Variants in MGAT4D observed in about 807,000 individuals in gnomAD.
MGAT4D encodes alpha-1,3-mannosyl-glycoprotein 4-beta-N-acetylglucosaminyltransferase-like protein MGAT4D.
In MGAT4D, 34 loss-of-function variants were observed where a neutral mutation model predicts 15.9. The observed-to-expected ratio is 2.14, with a 90% confidence interval of 1.62 to 2.84. The LOEUF (loss-of-function observed/expected upper bound fraction) is 2.84, where lower values mean the gene tolerates loss of function less well. Among genes scored for constraint, MGAT4D ranks in the 30% most tolerant of loss-of-function variants. The pLI, the probability that MGAT4D is intolerant of heterozygous loss-of-function variation, is 0.00. For synonymous variants in MGAT4D, 112 were observed against 48.2 expected, an observed-to-expected ratio of 2.33 and a Z score of -5.49; for missense variants, 327 against 140.2, an observed-to-expected ratio of 2.33 and a Z score of -6.73.
intron 8 of MGAT4D, chr4:140,458,489 A>C (rs1209290044): frequency 6.6e-6 from 1 of 152,210 alleles, no homozygotes; most frequent in Non-Finnish European, 1.5e-5. Flanking sequence ...AAGACAGCTG[A>C]TCATGGGATT....
In MGAT4D at chr4:140,472,384, C is replaced by T. The variant is rs72939891; in HGVS notation, c.526-563G>A. ...TGCAAAAAGCTTTTGATGGTTTACC[C>T]TCTTGGGATAATTTTTAAAAAAATA... On this transcript the variant is annotated intron_variant, in intron 4 of 10. Coordinates refer to ENST00000511113, the MANE Select transcript of MGAT4D (RefSeq NM_001277353.2). Among the ~76,000 whole-genome samples the T allele has an allele frequency of 3.5e-3, 538 of 152,232 alleles. 2 individuals are homozygous for T. The highest frequency in any genetic ancestry group is 0.012 in the African/African-American group (490 of 41,546).
chr4:140,452,202 A>G (rs1730518818), intron 9 of MGAT4D, among the ~76,000 whole-genome samples: 1 of 151,926 alleles, frequency 6.6e-6, no homozygotes, highest in Admixed American at 6.6e-5. Flanking sequence ...CAAACAATAA[A>G]AACCCCACAA....
At chr4:140,462,456 T>C (rs1164020743) in intron 6 of MGAT4D, 1 of 152,748 alleles carries the variant, frequency 6.5e-6, no homozygotes, top group Non-Finnish European at 1.5e-5. Context: ...TATTTCTTTT[T>C]ACGGGTCTTT....
intron 1 of MGAT4D, among the ~76,000 whole-genome samples, chr4:140,497,572 C>T (rs1012438467): frequency 1.3e-5 from 2 of 152,264 alleles, no homozygotes; most frequent in South Asian, 2.1e-4. Context: ...TGCGGTCCAT[C>T]GGAGAAGTCC....
At chr4:140,457,255 T>C (rs555874408) in intron 8 of MGAT4D, 1 of 152,154 alleles carries the variant, frequency 6.6e-6, no homozygotes, top group South Asian at 2.1e-4. Flanking sequence ...GGTCTAATAG[T>C]TTTTTTCTTA....
intron 10 of MGAT4D, among the ~76,000 whole-genome samples, chr4:140,446,546 G>C (rs1730134435): frequency 6.6e-6 from 1 of 151,778 alleles, no homozygotes; most frequent in African/African-American, 2.4e-5. Flanking sequence ...GTGTTTATTT[G>C]AATCTTTTCT....
chr4:140,492,986 A>G (rs765685135), intron 1 of MGAT4D, among the ~76,000 whole-genome samples: 2 of 152,168 alleles, frequency 1.3e-5, no homozygotes, highest in Admixed American at 1.3e-4. Context: ...TCAAAAATAC[A>G]TTCTTATTGT....
At chr4:140,473,603 G>C (rs1227672694) in intron 4 of MGAT4D, among the ~76,000 whole-genome samples, 1 of 152,342 alleles carries the variant, frequency 6.6e-6, no homozygotes, top group East Asian at 1.9e-4. Flanking sequence ...TTGGGAAGTA[G>C]AGAAGCTGAC....
intron 1 of MGAT4D, among the ~76,000 whole-genome samples, chr4:140,483,444 A>T (rs910615957): frequency 2.6e-5 from 4 of 152,208 alleles, no homozygotes; most frequent in African/African-American, 7.2e-5. Flanking sequence ...ATACTACACA[A>T]AACAATCTAC....
intron 10 of MGAT4D, among the ~76,000 whole-genome samples, chr4:140,447,060 T>C (rs1730180752): frequency 1.3e-5 from 2 of 152,106 alleles, no homozygotes; most frequent in South Asian, 4.1e-4. Context: ...TGTACTGTGG[T>C]CTGACAGCAT....
intron 4 of MGAT4D, among the ~76,000 whole-genome samples, chr4:140,472,566 G>C (rs866355456): frequency 2.6e-5 from 4 of 152,278 alleles, no homozygotes; most frequent in Middle Eastern, 3.4e-3. Flanking sequence ...AAAAATAGCA[G>C]ACATGATGTA....
chr4:140,466,392 G>C (rs1044898397), intron 5 of MGAT4D, among the ~76,000 whole-genome samples: 3 of 152,106 alleles, frequency 2.0e-5, no homozygotes, highest in African/African-American at 7.2e-5. Context: ...TCATGACATT[G>C]AAAACACAAA....
chr4:140,449,055 G>A (rs558056334), intron 10 of MGAT4D, among the ~76,000 whole-genome samples: 100 of 152,290 alleles, frequency 6.6e-4, no homozygotes, highest in African/African-American at 1.9e-3. Flanking sequence ...TTGGCCCTAT[G>A]CCCAGTGCAC....
chr4:140,487,861 C>T (rs967704252), intron 1 of MGAT4D, among the ~76,000 whole-genome samples: 2 of 152,186 alleles, frequency 1.3e-5, no homozygotes, highest in Admixed American at 6.5e-5. Flanking sequence ...GACTACCACA[C>T]TGGATGGCAT....
At chr4:140,465,464 C>A (rs951778077) in intron 5 of MGAT4D, among the ~76,000 whole-genome samples, 1 of 152,192 alleles carries the variant, frequency 6.6e-6, no homozygotes, top group Non-Finnish European at 1.5e-5. Flanking sequence ...CTCTTGTCCA[C>A]CACTCATTGG....
intron 6 of MGAT4D, chr4:140,462,626 G>C (rs1285575178): frequency 6.6e-6 from 1 of 152,102 alleles, no homozygotes; most frequent in Admixed American, 6.6e-5. Flanking sequence ...CTTTATGTTT[G>C]GCCTCTGATG....
intron 1 of MGAT4D, among the ~76,000 whole-genome samples, chr4:140,497,207 G>T (rs1211345596): frequency 1.3e-5 from 2 of 152,030 alleles, no homozygotes; most frequent in Non-Finnish European, 2.9e-5. Flanking sequence ...GTAAATAAAC[G>T]AAAATTTAAC....
chr4:140,487,726 T>G (rs1326688982), intron 1 of MGAT4D, among the ~76,000 whole-genome samples: 3 of 152,158 alleles, frequency 2.0e-5, no homozygotes, highest in African/African-American at 7.2e-5. Context: ...CAGTTTTGCT[T>G]AATGGAGAAA....
intron 9 of MGAT4D, among the ~76,000 whole-genome samples, chr4:140,453,817 A>T (rs908369360): frequency 5.9e-5 from 9 of 152,128 alleles, no homozygotes; most frequent in Non-Finnish European, 2.9e-5. Context: ...GCCATGCAGA[A>T]CTGTGAATCA....
Sources: allele counts gnomAD v4.1 joint callset (sites outside exome capture counted in the v4.1 genomes callset), GRCh38; gene constraint gnomAD v4.1.1; transcripts MANE v1.5; gene names NCBI Gene and HGNC (gene_info 2026-07-23, HGNC 2026-07-21).